LOC400499: variants seen among roughly 807,000 people sequenced by gnomAD.
the LOC400499 span, among the ~76,000 whole-genome samples, chr16:11,503,820 G>T: frequency 8.5e-5 from 13 of 152,342 alleles, no homozygotes; most frequent in African/African-American, 3.1e-4. Context: ...AGCCCCTGCT[G>T]CAGGCTAACT....
chr16:11,470,061 C>T, the LOC400499 span, among the ~76,000 whole-genome samples: 3 of 152,164 alleles, frequency 2.0e-5, no homozygotes, highest in Non-Finnish European at 4.4e-5. Flanking sequence ...CGCCAACAAG[C>T]CCAGTTTTTT....
At chr16:11,385,256 G>A in the LOC400499 span, 16 of 1,232,200 alleles carry the variant, frequency 1.3e-5, no homozygotes, top group African/African-American at 4.7e-5. Flanking sequence ...TAAGTTCCAC[G>A]AACAGGGCTG....
chr16:11,476,821 C>T, the LOC400499 span: 7 of 399,214 alleles, frequency 1.8e-5, no homozygotes, highest in Admixed American at 4.4e-5. Flanking sequence ...CTTAAGGACC[C>T]GGCCCTTCTG....
the LOC400499 span, among the ~76,000 whole-genome samples, chr16:11,456,392 C>A: frequency 6.6e-6 from 1 of 151,718 alleles, no homozygotes; most frequent in African/African-American, 2.4e-5. Context: ...TTTCGAGACA[C>A]AAAGATCTGC....
chr16:11,410,888 A>G, the LOC400499 span, among the ~76,000 whole-genome samples: 12 of 152,194 alleles, frequency 7.9e-5, no homozygotes, highest in Non-Finnish European at 1.6e-4. Context: ...TGCAGGGCAG[A>G]GATGGGGGTG....
the LOC400499 span, among the ~76,000 whole-genome samples, chr16:11,494,367 G>GGGGGCAGTGGTATAGAA: frequency 6.8e-6 from 1 of 147,728 alleles, no homozygotes; most frequent in African/African-American, 2.5e-5. Context: ...GTGGTGTGGG[G>GGGGGCAGTGGTATAGAA]GGGGCAGTGG....
the LOC400499 span, among the ~76,000 whole-genome samples, chr16:11,506,517 G>A: frequency 6.6e-6 from 1 of 152,164 alleles, no homozygotes; most frequent in African/African-American, 2.4e-5. Flanking sequence ...CAAGATTGGT[G>A]ATAAGCCATG....
At chr16:11,378,451 C>T in the LOC400499 span, among the ~76,000 whole-genome samples, 1 of 152,152 alleles carries the variant, frequency 6.6e-6, no homozygotes. Flanking sequence ...TTTAGTAGAG[C>T]TGGGGTTTTG....
chr16:11,414,612 AC>A, the LOC400499 span: 170 of 398,922 alleles, frequency 4.3e-4, no homozygotes, highest in African/African-American at 3.1e-3. Flanking sequence ...TGGCCCTCAA[AC>A]ACAACACCAG....
At chr16:11,515,503 GTACATACA>G in the LOC400499 span, among the ~76,000 whole-genome samples, 3 of 145,028 alleles carry the variant, frequency 2.1e-5, no homozygotes, top group African/African-American at 8.5e-5. Flanking sequence ...ACATACGTAC[GTACATACA>G]TACATACATA....
the LOC400499 span, among the ~76,000 whole-genome samples, chr16:11,504,392 C>A: frequency 2.6e-4 from 39 of 152,022 alleles, no homozygotes; most frequent in African/African-American, 9.2e-4. Context: ...TCTGTCTCTA[C>A]TGAAAATACA....
the LOC400499 span, chr16:11,391,764 G>A: frequency 2.4e-6 from 3 of 1,232,072 alleles, no homozygotes; most frequent in African/African-American, 1.6e-5. Context: ...CCACAAAGTG[G>A]CTACTGCCCA....
At chr16:11,456,931 TG>T in the LOC400499 span, 1 of 1,536,236 alleles carries the variant, frequency 6.5e-7, no homozygotes, top group Non-Finnish European at 8.7e-7. Context: ...GGCCGCCCAT[TG>T]TACTGCACCT....
the LOC400499 span, among the ~76,000 whole-genome samples, chr16:11,448,255 G>A: frequency 3.5e-4 from 54 of 152,246 alleles, no homozygotes; most frequent in African/African-American, 1.1e-3. Context: ...GGATCCCACC[G>A]GCACACCACC....
At chr16:11,517,890 C>A in the LOC400499 span, among the ~76,000 whole-genome samples, 1 of 152,184 alleles carries the variant, frequency 6.6e-6, no homozygotes, top group Non-Finnish European at 1.5e-5. Context: ...GTCCCCAGAC[C>A]CTACAGGCTA....
the LOC400499 span, among the ~76,000 whole-genome samples, chr16:11,461,876 A>C: frequency 6.6e-6 from 1 of 152,214 alleles, no homozygotes; most frequent in Admixed American, 6.5e-5. Context: ...TCAAAATGTT[A>C]CAAGTGTTTC....
the LOC400499 span, among the ~76,000 whole-genome samples, chr16:11,509,320 A>G: frequency 2.0e-5 from 3 of 150,552 alleles, no homozygotes; most frequent in East Asian, 6.1e-4. Context: ...GGGTTTCACC[A>G]TGTTAGCCAG....
At chr16:11,515,502 C>T in the LOC400499 span, among the ~76,000 whole-genome samples, 2 of 150,670 alleles carry the variant, frequency 1.3e-5, no homozygotes, top group Non-Finnish European at 2.9e-5. Context: ...TACATACGTA[C>T]GTACATACAT....
the LOC400499 span, among the ~76,000 whole-genome samples, chr16:11,525,939 G>A: frequency 6.6e-6 from 1 of 152,158 alleles, no homozygotes; most frequent in East Asian, 1.9e-4. Flanking sequence ...TCACTTCCAG[G>A]AAGAGATCTG....
Sources: allele counts gnomAD v4.1 joint callset (sites outside exome capture counted in the v4.1 genomes callset), GRCh38; gene constraint gnomAD v4.1.1; transcripts MANE v1.5.